Variants in FAM240B observed in about 807,000 individuals in gnomAD.
FAM240B encodes family with sequence similarity 240 member B, also known as protein FAM240B.
intron 1 of FAM240B, among the ~76,000 whole-genome samples, chr9:38,718,426 A>G (rs899333143): frequency 2.6e-5 from 4 of 152,202 alleles, no homozygotes; most frequent in Non-Finnish European, 5.9e-5. Flanking sequence ...AGTCTCAATG[A>G]CATAACAGTA....
At chr9:38,705,964 G>C (rs1821186642) in intron 1 of FAM240B, among the ~76,000 whole-genome samples, 1 of 152,172 alleles carries the variant, frequency 6.6e-6, no homozygotes, top group Admixed American at 6.5e-5. Flanking sequence ...GGGTAGGGAC[G>C]ATTGAAGGAG....
intron 1 of FAM240B, among the ~76,000 whole-genome samples, chr9:38,714,149 A>T (rs1458976947): frequency 6.6e-6 from 1 of 152,264 alleles, no homozygotes; most frequent in East Asian, 1.9e-4. Context: ...GTTACAACCC[A>T]AAGAATGAAT....
chr9:38,706,715 C>T (rs1378956659), intron 1 of FAM240B, among the ~76,000 whole-genome samples: 1 of 152,134 alleles, frequency 6.6e-6, no homozygotes, highest in Non-Finnish European at 1.5e-5. Flanking sequence ...CTCTCTGCAC[C>T]CTGGGACTGT....
At chr9:38,707,671 G>A (rs959370028) in intron 1 of FAM240B, among the ~76,000 whole-genome samples, 1 of 151,424 alleles carries the variant, frequency 6.6e-6, no homozygotes. Flanking sequence ...GCACATGCCT[G>A]TAATCCCAGC....
chr9:38,698,380 G>C (rs749108521), intron 2 of FAM240B, among the ~76,000 whole-genome samples: 1 of 152,190 alleles, frequency 6.6e-6, no homozygotes, highest in African/African-American at 2.4e-5. Context: ...CCAGATACAA[G>C]AGGTTGGCAA....
chr9:38,699,459 A>G (rs1013657288), intron 2 of FAM240B, among the ~76,000 whole-genome samples: 5 of 152,190 alleles, frequency 3.3e-5, no homozygotes, highest in Non-Finnish European at 7.3e-5. Flanking sequence ...CGCTGGTCTG[A>G]CATCTGTGAA....
chr9:38,694,934 C>T, intron 2 of FAM240B, 65 bp from the exon 3 acceptor site: 3 of 398,398 alleles, frequency 7.5e-6, no homozygotes, highest in Non-Finnish European at 1.3e-5. Flanking sequence ...TCGACTGAAC[C>T]GTGGCTTTGT....
chr9:38,697,032 A>G (rs1821077538), intron 2 of FAM240B, among the ~76,000 whole-genome samples: 2 of 152,190 alleles, frequency 1.3e-5, no homozygotes, highest in Admixed American at 1.3e-4. Context: ...ATCTGCCACC[A>G]AATACATGAC....
intron 1 of FAM240B, among the ~76,000 whole-genome samples, chr9:38,711,397 T>C (rs574338163): frequency 4.6e-4 from 70 of 152,090 alleles, no homozygotes; most frequent in Non-Finnish European, 8.4e-4. Context: ...AGTTTCTAGG[T>C]CTGGGAGCTA....
intron 2 of FAM240B, among the ~76,000 whole-genome samples, chr9:38,696,074 G>C (rs1251939206): frequency 6.6e-6 from 1 of 152,168 alleles, no homozygotes; most frequent in Non-Finnish European, 1.5e-5. Context: ...CTTCCAAGGG[G>C]ATGGTATTAA....
chr9:38,710,478 G>A (rs1315675461), intron 1 of FAM240B, among the ~76,000 whole-genome samples: 3 of 152,144 alleles, frequency 2.0e-5, no homozygotes, highest in Non-Finnish European at 4.4e-5. Context: ...AATATTATCT[G>A]CTTCTGACTC....
intron 1 of FAM240B, among the ~76,000 whole-genome samples, chr9:38,708,438 G>A (rs1821216168): frequency 6.6e-6 from 1 of 152,028 alleles, no homozygotes; most frequent in African/African-American, 2.4e-5. Context: ...CACTCACTAG[G>A]GGTCATGTAG....
chr9:38,705,114 C>A (rs1821173705), intron 1 of FAM240B, among the ~76,000 whole-genome samples: 1 of 152,220 alleles, frequency 6.6e-6, no homozygotes, highest in South Asian at 2.1e-4. Flanking sequence ...CAAATGCCTG[C>A]ACAACAGATC....
chr9:38,701,099 T>G (rs910448365), intron 2 of FAM240B, among the ~76,000 whole-genome samples: 2 of 152,164 alleles, frequency 1.3e-5, no homozygotes, highest in Non-Finnish European at 2.9e-5. Flanking sequence ...GATTGCATAG[T>G]GGATTGGATT....
At chr9:38,700,469 G>A (rs1821112977) in intron 2 of FAM240B, among the ~76,000 whole-genome samples, 1 of 152,156 alleles carries the variant, frequency 6.6e-6, no homozygotes. Context: ...GTTCATATAA[G>A]CACTGTCCAG....
At chr9:38,708,547 G>A (rs1450571890) in intron 1 of FAM240B, among the ~76,000 whole-genome samples, 1 of 152,204 alleles carries the variant, frequency 6.6e-6, no homozygotes, top group African/African-American at 2.4e-5. Context: ...AAAGCTCAGT[G>A]GAGGACTTGC....
At chr9:38,714,192 T>C (rs1329926168) in intron 1 of FAM240B, among the ~76,000 whole-genome samples, 1 of 151,876 alleles carries the variant, frequency 6.6e-6, no homozygotes, top group African/African-American at 2.4e-5. Context: ...AATAAACAAA[T>C]GGAGGAGAAA....
chr9:38,703,588 C>T (rs548386428), intron 2 of FAM240B, among the ~76,000 whole-genome samples: 5 of 152,364 alleles, frequency 3.3e-5, no homozygotes, highest in African/African-American at 1.2e-4. Context: ...CAGGAGCTTC[C>T]CCTCTGGCCC....
intron 1 of FAM240B, among the ~76,000 whole-genome samples, chr9:38,707,307 C>T (rs763977038): frequency 6.6e-6 from 1 of 152,108 alleles, no homozygotes; most frequent in Non-Finnish European, 1.5e-5. Flanking sequence ...ACAGCCTGCT[C>T]ACATCCGCAC....
Sources: gnomAD v4.1 joint callset for allele counts (sites outside exome capture counted in the v4.1 genomes callset) on GRCh38, gnomAD v4.1.1 for gene constraint, MANE v1.5 for transcripts, NCBI Gene and HGNC (gene_info 2026-07-23, HGNC 2026-07-21) for gene names.